ATOSB: variants seen among roughly 807,000 people sequenced by gnomAD.
The protein encoded by ATOSB is atos homolog protein B.
the ATOSB span, chr9:35,107,279 T>C: frequency 8.2e-6 from 11 of 1,344,410 alleles, no homozygotes; most frequent in Non-Finnish European, 1.1e-5. Context: ...GCTGAGATTG[T>C]GCCACTGCAC....
the ATOSB span, chr9:35,106,414 G>C: frequency 6.2e-7 from 1 of 1,614,142 alleles, no homozygotes; most frequent in South Asian, 1.1e-5. This position sits in a 1 kb window ranked among gnomAD's most constrained non-coding sequence, Gnocchi z 4.6. Context: ...ATGATTCCTG[G>C]GATTAGGGTA....
chr9:35,114,460 TCA>T, the ATOSB span, among the ~76,000 whole-genome samples: 1 of 150,778 alleles, frequency 6.6e-6, no homozygotes, highest in Non-Finnish European at 1.5e-5. Flanking sequence ...AGCAACACTG[TCA>T]CACTCATTTA....
chr9:35,108,123 G>T, the ATOSB span: 5 of 1,566,234 alleles, frequency 3.2e-6, no homozygotes, highest in South Asian at 5.9e-5. Flanking sequence ...GGAAAAGATG[G>T]ATACCTGGTA....
the ATOSB span, chr9:35,107,267 C>A: frequency 7.9e-7 from 1 of 1,271,288 alleles, no homozygotes; most frequent in Non-Finnish European, 1.0e-6. Flanking sequence ...AGGTTGCAGT[C>A]AGCTGAGATT....
At chr9:35,108,085 T>C in the ATOSB span, 1 of 1,541,520 alleles carries the variant, frequency 6.5e-7, no homozygotes, top group Non-Finnish European at 8.7e-7. Flanking sequence ...TTCAGGGCCC[T>C]ATGAGGCTCA....
the ATOSB span, chr9:35,105,549 A>ATG: frequency 9.6e-7 from 1 of 1,039,132 alleles, no homozygotes; most frequent in Non-Finnish European, 1.4e-6. The surrounding 1 kb of genome is among the most constrained non-coding windows in gnomAD (Gnocchi z 5.5). Context: ...ATACATACAT[A>ATG]TATATGTACA....
the ATOSB span, chr9:35,107,628 G>A: frequency 1.4e-5 from 22 of 1,598,798 alleles, 1 homozygote; most frequent in East Asian, 4.5e-4. Flanking sequence ...AGTGCCAGGG[G>A]ACTCCCTAGG....
chr9:35,108,396 C>T, the ATOSB span: 2 of 1,411,946 alleles, frequency 1.4e-6, no homozygotes, highest in South Asian at 1.5e-5. Context: ...ATCAATGAGT[C>T]TTCTTCCTTC....
the ATOSB span, chr9:35,108,140 G>A: frequency 3.8e-5 from 60 of 1,576,778 alleles, no homozygotes; most frequent in Middle Eastern, 1.7e-4. Context: ...GGTAGACCCC[G>A]GGGGATGTCG....
the ATOSB span, among the ~76,000 whole-genome samples, chr9:35,115,199 G>A: frequency 3.3e-5 from 5 of 152,042 alleles, no homozygotes; most frequent in Non-Finnish European, 7.4e-5. Context: ...AATAGACTGA[G>A]GAGACATTCA....
the ATOSB span, among the ~76,000 whole-genome samples, chr9:35,114,619 G>A: frequency 4.6e-5 from 7 of 152,206 alleles, no homozygotes; most frequent in Admixed American, 3.9e-4. Flanking sequence ...GTGCTTCCAA[G>A]CCTGGAGTGT....
the ATOSB span, among the ~76,000 whole-genome samples, chr9:35,113,579 G>A: frequency 2.6e-5 from 4 of 152,108 alleles, no homozygotes; most frequent in South Asian, 4.1e-4. Context: ...AGCCAAGATC[G>A]CACCACTGCA....
the ATOSB span, among the ~76,000 whole-genome samples, chr9:35,112,665 C>T: frequency 6.6e-6 from 1 of 152,226 alleles, no homozygotes; most frequent in Admixed American, 6.5e-5. Flanking sequence ...CTACCCTGCC[C>T]TCTGCACTTG....
the ATOSB span, among the ~76,000 whole-genome samples, chr9:35,114,821 GC>G: frequency 6.6e-6 from 1 of 152,160 alleles, no homozygotes; most frequent in Non-Finnish European, 1.5e-5. Context: ...TCTGTTTGTG[GC>G]AAGTGGTTAA....
At chr9:35,108,067 C>T in the ATOSB span, 1,188 of 1,534,210 alleles carry the variant, frequency 7.7e-4, 7 homozygotes, top group African/African-American at 9.9e-3. Context: ...GTGGATGGGG[C>T]TTGTCGTTTC....
chr9:35,106,148 C>T, the ATOSB span: 1 of 1,545,924 alleles, frequency 6.5e-7, no homozygotes, highest in African/African-American at 1.4e-5. The surrounding 1 kb of genome is among the most constrained non-coding windows in gnomAD (Gnocchi z 4.6). Flanking sequence ...CCCTGACTCA[C>T]TTCTAGGTGA....
At chr9:35,107,583 C>T in the ATOSB span, 2 of 1,587,532 alleles carry the variant, frequency 1.3e-6, no homozygotes, top group Middle Eastern at 1.7e-4. Flanking sequence ...GGGTCCAGGG[C>T]CAGGGGGTGT....
the ATOSB span, chr9:35,104,996 G>C: frequency 4.7e-6 from 2 of 421,746 alleles, no homozygotes; most frequent in Non-Finnish European, 8.3e-6. Context: ...ACCTAAGCTG[G>C]CCTGGGAAAC....
the ATOSB span, chr9:35,105,565 A>T: frequency 8.7e-7 from 1 of 1,143,144 alleles, no homozygotes; most frequent in Non-Finnish European, 1.2e-6. This position sits in a 1 kb window ranked among gnomAD's most constrained non-coding sequence, Gnocchi z 5.5. Flanking sequence ...GTACATACAT[A>T]CATAAAAATT....
Sources: allele counts gnomAD v4.1 joint callset (sites outside exome capture counted in the v4.1 genomes callset), GRCh38; gene constraint gnomAD v4.1.1; non-coding constraint Gnocchi (gnomAD v3.1); transcripts MANE v1.5; gene names NCBI Gene and HGNC (gene_info 2026-07-23, HGNC 2026-07-21).